Variants in NEGR1 observed in about 807,000 individuals in gnomAD.
NEGR1 encodes the protein IgLON family member 4.
Under a neutral mutation model 40.9 loss-of-function variants are expected in NEGR1, and 10 were observed. The ratio of observed to expected loss-of-function variants is 0.24; its 90% CI spans 0.15 to 0.42. The LOEUF is 0.42. NEGR1 is among the 10% of genes least tolerant of loss of function. The probability of loss-of-function intolerance (pLI) is 1.00; values close to 1 mark genes in which losing one functional copy is unlikely to be tolerated. For missense variants in NEGR1, 352 were observed against 438.9 expected, an observed-to-expected ratio of 0.80 and a Z score of 1.77; for synonymous variants, 185 against 166.8, an observed-to-expected ratio of 1.11 and a Z score of -0.84.
chr1:72,094,724 C>G (rs1648632220), intron 1 of NEGR1, among the ~76,000 whole-genome samples: 1 of 152,130 alleles, frequency 6.6e-6, no homozygotes, highest in Non-Finnish European at 1.5e-5. Flanking sequence ...TGCTGTCTAC[C>G]CAAACTGAAG....
chr1:71,494,694 G>A (rs1318805023), intron 6 of NEGR1, among the ~76,000 whole-genome samples: 1 of 152,132 alleles, frequency 6.6e-6, no homozygotes, highest in Non-Finnish European at 1.5e-5. Context: ...AGTGAGGACC[G>A]TCTTGTGGGG....
At chr1:72,205,757 A>C (rs1295298972) in intron 1 of NEGR1, among the ~76,000 whole-genome samples, 5 of 57,186 alleles carry the variant, frequency 8.7e-5, no homozygotes, top group Admixed American at 5.9e-4. Flanking sequence ...CCATTTCTAC[A>C]AAAAAAAAAA....
intron 1 of NEGR1, among the ~76,000 whole-genome samples, chr1:72,023,266 G>C (rs918913735): frequency 1.3e-5 from 2 of 152,128 alleles, no homozygotes; most frequent in South Asian, 2.1e-4. Flanking sequence ...TGGTGGTATC[G>C]TACCCCGAGC....
intron 2 of NEGR1, among the ~76,000 whole-genome samples, chr1:71,820,470 C>T (rs941913886): frequency 1.3e-5 from 2 of 151,962 alleles, no homozygotes; most frequent in African/African-American, 4.8e-5. Context: ...AATTAAATAT[C>T]TAGATAATTT....
intron 2 of NEGR1, among the ~76,000 whole-genome samples, chr1:71,817,764 T>C (rs143861030): frequency 2.7e-3 from 407 of 152,140 alleles, no homozygotes; most frequent in African/African-American, 9.2e-3. Flanking sequence ...TATTGAAATG[T>C]ATGAAAAATA....
At chr1:71,566,820 T>C (rs1264499359) in intron 6 of NEGR1, among the ~76,000 whole-genome samples, 1 of 152,152 alleles carries the variant, frequency 6.6e-6, no homozygotes, top group Non-Finnish European at 1.5e-5. Context: ...TTCTGAAGGC[T>C]GGGAAATCCA....
intron 4 of NEGR1, among the ~76,000 whole-genome samples, chr1:71,696,660 C>A (rs1413307825): frequency 6.6e-6 from 1 of 151,776 alleles, no homozygotes; most frequent in African/African-American, 2.4e-5. Context: ...TTGTTTGTTA[C>A]CTCTTATTTC....
intron 1 of NEGR1, among the ~76,000 whole-genome samples, chr1:72,261,779 A>G (rs939227501): frequency 6.6e-6 from 1 of 152,068 alleles, no homozygotes; most frequent in African/African-American, 2.4e-5. Context: ...GTTAAATACC[A>G]CATGTTCTCA....
chr1:72,030,548 T>C (rs1487285073), intron 1 of NEGR1, among the ~76,000 whole-genome samples: 1 of 152,218 alleles, frequency 6.6e-6, no homozygotes, highest in African/African-American at 2.4e-5. Flanking sequence ...ATATGTGTGA[T>C]TATTTTTATT....
chr1:71,434,275 T>A (rs1646491863), intron 6 of NEGR1, among the ~76,000 whole-genome samples: 1 of 152,192 alleles, frequency 6.6e-6, no homozygotes, highest in African/African-American at 2.4e-5. Context: ...TATAGACAAA[T>A]CTATTATAAA....
chr1:71,926,424 G>T (rs1453754077), intron 2 of NEGR1, among the ~76,000 whole-genome samples: 1 of 151,284 alleles, frequency 6.6e-6, no homozygotes, highest in East Asian at 1.9e-4. Context: ...TTGATTTTTG[G>T]CCCTCTTCTA....
chr1:71,714,600 T>C (rs764377147), intron 3 of NEGR1, among the ~76,000 whole-genome samples: 7 of 151,998 alleles, frequency 4.6e-5, no homozygotes, highest in Non-Finnish European at 1.0e-4. Context: ...ATGGGAGAAA[T>C]TGGCCAAAAC....
intron 2 of NEGR1, among the ~76,000 whole-genome samples, chr1:71,855,576 T>C (rs1659734105): frequency 1.3e-5 from 2 of 152,044 alleles, no homozygotes; most frequent in Non-Finnish European, 2.9e-5. Context: ...CTGGAAAGTA[T>C]TGAGAACAAT....
At chr1:72,159,550 A>G (rs1257185277) in intron 1 of NEGR1, among the ~76,000 whole-genome samples, 1 of 152,304 alleles carries the variant, frequency 6.6e-6, no homozygotes, top group Non-Finnish European at 1.5e-5. Context: ...AATATTACAT[A>G]TAGCAAGCAG....
intron 2 of NEGR1, among the ~76,000 whole-genome samples, chr1:71,791,366 A>G (rs1487013652): frequency 6.6e-6 from 1 of 152,064 alleles, no homozygotes; most frequent in Admixed American, 6.6e-5. Context: ...TTGAATCTAT[A>G]TGGTAGAAAT....
intron 1 of NEGR1, among the ~76,000 whole-genome samples, chr1:72,219,828 A>G (rs1653951225): frequency 6.6e-6 from 1 of 152,128 alleles, no homozygotes; most frequent in Non-Finnish European, 1.5e-5. Flanking sequence ...ATCACTTTTC[A>G]CATAGTGAAG....
chr1:71,808,329 T>A (rs1657855775), intron 2 of NEGR1, among the ~76,000 whole-genome samples: 1 of 152,210 alleles, frequency 6.6e-6, no homozygotes, highest in African/African-American at 2.4e-5. Flanking sequence ...CTGTTTGAAA[T>A]AACTCAAAAT....
chr1:72,153,042 A>G (rs938889883), intron 1 of NEGR1, among the ~76,000 whole-genome samples: 4 of 151,874 alleles, frequency 2.6e-5, no homozygotes, highest in African/African-American at 9.7e-5. Context: ...TACCTTGGTA[A>G]TAGGATCCAT....
intron 6 of NEGR1, among the ~76,000 whole-genome samples, chr1:71,532,120 A>T (rs1373345673): frequency 6.6e-6 from 1 of 151,524 alleles, no homozygotes; most frequent in Non-Finnish European, 1.5e-5. Context: ...TAACTTTAGC[A>T]TTTCCACTTT....
Sources: gnomAD v4.1 joint callset for allele counts (sites outside exome capture counted in the v4.1 genomes callset) on GRCh38, gnomAD v4.1.1 for gene constraint, MANE v1.5 for transcripts, NCBI Gene and HGNC (gene_info 2026-07-23, HGNC 2026-07-21) for gene names.